PCDHA7: variants seen among roughly 807,000 people sequenced by gnomAD.
The protein encoded by PCDHA7 is protocadherin alpha 7.
PCDHA7 carries 37 observed loss-of-function variants against 57.2 expected under a neutral mutation model. That is an observed-to-expected ratio of 0.65 (90% confidence interval 0.50 to 0.85). The LOEUF (loss-of-function observed/expected upper bound fraction) is 0.85, where lower values mean the gene tolerates loss of function less well. Ranked by LOEUF, PCDHA7 falls within the 40% of genes least tolerant of loss-of-function variation. The probability of loss-of-function intolerance (pLI) is 0.00; values close to 1 mark genes in which losing one functional copy is unlikely to be tolerated. For synonymous variants in PCDHA7, 553 were observed against 558.8 expected, an observed-to-expected ratio of 0.99 and a Z score of 0.15; for missense variants, 1,188 against 1,241.8, an observed-to-expected ratio of 0.96 and a Z score of 0.65.
intron 1 of PCDHA7, chr5:140,884,166 C>T: frequency 1.2e-6 from 2 of 1,613,430 alleles, no homozygotes; most frequent in Non-Finnish European, 1.7e-6. Context: ...GAGATCAGCA[C>T]GACGCGCCCT....
rs2150490057 is a variant in PCDHA7, at chr5:140,850,579, A to G, written c.2355+13841A>G. On this transcript the variant is annotated intron_variant, in intron 1 of 3. Transcript: ENST00000525929. ...ACGGGCCCCGAGGTGACGCTGGTGG[A>G]TGTCAACGTGTACCTGATCATCGCC... 24 of 1,598,000 alleles carry G rather than the reference A, an allele frequency of 1.5e-5. 1 individual carries two copies. The East Asian group carries it at 3.6e-4, about 24-fold the overall frequency.
Position 140,898,031 on chromosome 5 carries a change from G to C in PCDHA7, c.2355+61293G>C, listed in dbSNP as rs550093815. Among the ~76,000 whole-genome samples, 156 of 152,112 alleles carry C rather than the reference G, an allele frequency of 1.0e-3. No individual in the cohort carries two copies. The South Asian group carries it at 0.016, about 16-fold the overall frequency. ...CATATCCTTTGCCCACTTTTTGATG[G>C]GGTTGTTTGTTTTTTTCTTGTAAAT... On this transcript the variant is annotated intron_variant, in intron 1 of 3. Coordinates refer to ENST00000525929, the MANE Select transcript of PCDHA7 (RefSeq NM_018910.3).
chr5:140,926,921 G>A (rs1554203799), intron 1 of PCDHA7: 3 of 1,571,110 alleles, frequency 1.9e-6, no homozygotes, highest in African/African-American at 2.7e-5. Flanking sequence ...GCAGTTTTAT[G>A]TTTGTGGGTT....
chr5:140,961,716 G>A (rs2095631233), intron 1 of PCDHA7, among the ~76,000 whole-genome samples: 1 of 152,082 alleles, frequency 6.6e-6, no homozygotes, highest in African/African-American at 2.4e-5. Flanking sequence ...TCATTTCTAA[G>A]TGCTCATAAA....
chr5:140,929,540 G>A, intron 1 of PCDHA7: 1 of 549,498 alleles, frequency 1.8e-6, no homozygotes, highest in Admixed American at 4.2e-5. Context: ...GAGAAACAAG[G>A]GCAAAAATTA....
At chr5:140,891,681 C>T (rs1021117286) in intron 1 of PCDHA7, among the ~76,000 whole-genome samples, 1 of 152,150 alleles carries the variant, frequency 6.6e-6, no homozygotes, top group African/African-American at 2.4e-5. Flanking sequence ...TAATAATTCT[C>T]TCTTCTTGCT....
chr5:140,987,363 T>C (rs1269772618), intron 3 of PCDHA7, among the ~76,000 whole-genome samples: 1 of 152,218 alleles, frequency 6.6e-6, no homozygotes, highest in Non-Finnish European at 1.5e-5. Flanking sequence ...GGTTGTCTTA[T>C]ATCATTACAG....
At chr5:140,846,373 CTTTT>C (rs374699051) in intron 1 of PCDHA7, among the ~76,000 whole-genome samples, 1 of 55,152 alleles carries the variant, frequency 1.8e-5, no homozygotes, top group Admixed American at 2.3e-4. Flanking sequence ...TTCTTTCTTT[CTTTT>C]TTTTTTTTTT....
At chr5:140,949,263 C>G (rs1210516513) in intron 1 of PCDHA7, among the ~76,000 whole-genome samples, 1 of 151,714 alleles carries the variant, frequency 6.6e-6, no homozygotes, top group Non-Finnish European at 1.5e-5. Context: ...GAACATATCA[C>G]GTGCACTTGA....
At chr5:141,004,935 A>C (rs1554259817) in intron 3 of PCDHA7, among the ~76,000 whole-genome samples, 1 of 152,112 alleles carries the variant, frequency 6.6e-6, no homozygotes, top group African/African-American at 2.4e-5. Flanking sequence ...GAGAGAAGAA[A>C]ATTTCTTACC....
chr5:140,985,830 C>T (rs1446445717), intron 3 of PCDHA7, among the ~76,000 whole-genome samples: 2 of 149,758 alleles, frequency 1.3e-5, no homozygotes, highest in Non-Finnish European at 3.0e-5. Flanking sequence ...AGCTCTGCCT[C>T]CCGGGTTCAT....
At position 140,848,738 on chromosome 5, in the gene PCDHA7, T is replaced by C. The variant is rs1554142405; in HGVS notation, c.2355+12000T>C. ...ACCTTCTGGAGGTAAATCTGCAGAA[T>C]GGCATTTTGTTTGTGAATTCTCGGA... On this transcript the variant is annotated intron_variant, in intron 1 of 3. Transcript: ENST00000525929. 9 of 1,592,802 alleles carry C rather than the reference T, an allele frequency of 5.7e-6. 1 individual carries two copies. Among genetic ancestry groups the C allele is most frequent in the Middle Eastern group, 1.7e-4 (1 of 5,866 alleles).
intron 1 of PCDHA7, among the ~76,000 whole-genome samples, chr5:140,937,039 CTTT>C (rs34994034): frequency 1.4e-5 from 2 of 140,152 alleles, no homozygotes; most frequent in African/African-American, 5.3e-5. Flanking sequence ...TTCCATTTAT[CTTT>C]TTTTTTTTTT....
At chr5:140,884,651 T>C in intron 1 of PCDHA7, 1 of 1,604,404 alleles carries the variant, frequency 6.2e-7, no homozygotes. Context: ...GGACTCAGAA[T>C]GCTTGAAAGA....
In PCDHA7 at chr5:140,871,238, T is replaced by C. The variant is rs200192228; in HGVS notation, c.2355+34500T>C. 68 of 1,613,968 alleles carry C rather than the reference T, an allele frequency of 4.2e-5. No homozygotes were observed. The Admixed American group carries it at 6.2e-4, about 15-fold the overall frequency. ...TGCGTGGTGTCCAGCCTCCTGGTACTCACGCTGCTGCTGTATACGGCGCTG... is the reference window on the plus strand; with the variant it reads ...TGCGTGGTGTCCAGCCTCCTGGTACCCACGCTGCTGCTGTATACGGCGCTG... On this transcript the variant is annotated intron_variant, in intron 1 of 3. Transcript: ENST00000525929.
At position 140,834,413 on chromosome 5, in the gene PCDHA7, G is replaced by C; in HGVS notation, c.30G>C (p.Gly10=). MVCPNGYDP[G]GRHLLLFIII... Reference sequence around the variant, plus strand: ...TGTGCCCGAATGGATACGACCCAGGGGGCCGACATCTACTGCTGTTTATTA... The same window carrying C: ...TGTGCCCGAATGGATACGACCCAGGCGGCCGACATCTACTGCTGTTTATTA... Residue 10 remains glycine (G), a synonymous_variant, in exon 1 of 4, where the codon GGG becomes GGC. Coordinates refer to ENST00000525929, the MANE Select transcript of PCDHA7 (RefSeq NM_018910.3). 3 of 1,611,242 alleles carry C rather than the reference G, an allele frequency of 1.9e-6. No homozygotes were observed. The highest frequency in any genetic ancestry group is 2.5e-6 in the Non-Finnish European group (3 of 1,178,226).
At chr5:140,964,266 A>G (rs1408040035) in intron 1 of PCDHA7, among the ~76,000 whole-genome samples, 1 of 152,230 alleles carries the variant, frequency 6.6e-6, no homozygotes, top group Admixed American at 6.5e-5. Context: ...CTCCTTAATA[A>G]TTAAGGCAGT....
chr5:140,848,207 C>A (rs1279518262), intron 1 of PCDHA7: 2 of 340,884 alleles, frequency 5.9e-6, no homozygotes, highest in Non-Finnish European at 1.1e-5. Context: ...ACAATCATTA[C>A]TTAAGAAAAA....
intron 1 of PCDHA7, chr5:140,927,454 G>A: frequency 6.2e-7 from 1 of 1,614,182 alleles, no homozygotes; most frequent in Non-Finnish European, 8.5e-7. Flanking sequence ...GTTGGTGTTG[G>A]AGAAAGCACT....
Sources: allele counts gnomAD v4.1 joint callset (sites outside exome capture counted in the v4.1 genomes callset), GRCh38; gene constraint gnomAD v4.1.1; transcripts MANE v1.5; gene names NCBI Gene and HGNC (gene_info 2026-07-23, HGNC 2026-07-21).